NAV2: variants seen among roughly 807,000 people sequenced by gnomAD.
NAV2 encodes the protein neuron navigator 2.
NAV2 carries 54 observed loss-of-function variants against 223.2 expected under a neutral mutation model. The observed-to-expected ratio is 0.24, with a 90% CI of 0.19 to 0.30. The LOEUF is 0.30. Among genes scored for constraint, NAV2 ranks in the 10% least tolerant of loss-of-function variants. NAV2 has a pLI of 1.00. For synonymous variants in NAV2, 1,279 were observed against 1,239.3 expected (o/e 1.03, Z -0.67); for missense variants, 2,806 against 3,147.5 (o/e 0.89, Z 2.60).
At chr11:20,006,193 G>T (rs2053053045) in intron 11 of NAV2, among the ~76,000 whole-genome samples, 1 of 152,152 alleles carries the variant, frequency 6.6e-6, no homozygotes, top group African/African-American at 2.4e-5. Context: ...GTATGATTCA[G>T]GGTGTCCAGG....
At chr11:19,628,025 G>T (rs1459272421) in intron 1 of NAV2, among the ~76,000 whole-genome samples, 3 of 152,178 alleles carry the variant, frequency 2.0e-5, no homozygotes, top group Non-Finnish European at 4.4e-5. Context: ...TCTGTGTTGG[G>T]CTGGCATGTG....
At chr11:19,644,175 A>T (rs1250532748) in intron 1 of NAV2, among the ~76,000 whole-genome samples, 1 of 152,232 alleles carries the variant, frequency 6.6e-6, no homozygotes, top group African/African-American at 2.4e-5. Flanking sequence ...TTATATTTGC[A>T]TGGAGGTGAA....
At chr11:19,710,891 T>C (rs1590130032), upstream of NAV2, 1 of 152,368 alleles carries the variant, frequency 6.6e-6, no homozygotes, top group East Asian at 1.9e-4. Context: ...TCCACAGCTT[T>C]ATGCTCCATA....
chr11:19,818,909 C>T (rs948318168), intron 1 of NAV2, among the ~76,000 whole-genome samples: 10 of 152,220 alleles, frequency 6.6e-5, no homozygotes, highest in Admixed American at 6.5e-4. Context: ...ATTAGTCCAT[C>T]TGTCTATTTG....
chr11:20,036,538 C>T (rs142444757), intron 12 of NAV2, among the ~76,000 whole-genome samples: 50 of 152,236 alleles, frequency 3.3e-4, no homozygotes, highest in Non-Finnish European at 6.3e-4. Flanking sequence ...AACCCTGGAC[C>T]GGAAGGCCGG....
At chr11:19,944,814 TCTTCCTTG>T (rs1265654763) in intron 8 of NAV2, among the ~76,000 whole-genome samples, 7,522 of 145,678 alleles carry the variant, frequency 0.052, 271 homozygotes, top group Non-Finnish European at 0.076. Flanking sequence ...GTCTTTTCTT[TCTTCCTTG>T]CTTGCTTGCT....
Position 20,081,409 on chromosome 11 carries a change from G to A in NAV2, c.5325+1200G>A, listed in dbSNP as rs151162643. Among the ~76,000 whole-genome samples, 142 of 152,262 alleles carry A rather than the reference G, an allele frequency of 9.3e-4. 1 individual carries two copies. In the South Asian group the frequency reaches 0.018, roughly 19 times the overall value. ...ATAGTGGTTATTCCATTTTCTTCAAGAAATAAAACGTGCTTATGTTGCTTT... is the reference window on the plus strand; with the variant it reads ...ATAGTGGTTATTCCATTTTCTTCAAAAAATAAAACGTGCTTATGTTGCTTT... On this transcript the variant is annotated intron_variant, in intron 25 of 37. Coordinates refer to ENST00000349880, the MANE Select transcript of NAV2 (RefSeq NM_145117.5).
chr11:19,865,170 C>T (rs1484742474), intron 3 of NAV2, among the ~76,000 whole-genome samples: 2 of 152,184 alleles, frequency 1.3e-5, no homozygotes, highest in Non-Finnish European at 2.9e-5. Context: ...TTCACTCTGC[C>T]TCCCAACTTT....
At chr11:19,370,083 C>A (rs1848421573) in intron 1 of NAV2, among the ~76,000 whole-genome samples, 3 of 152,208 alleles carry the variant, frequency 2.0e-5, no homozygotes, top group African/African-American at 7.2e-5. Context: ...TCATAACCCT[C>A]CATAATTTCA....
intron 10 of NAV2, among the ~76,000 whole-genome samples, chr11:19,963,554 A>G (rs1474697539): frequency 6.6e-6 from 1 of 152,212 alleles, no homozygotes; most frequent in African/African-American, 2.4e-5. Flanking sequence ...GCCATTTGGA[A>G]GGGTAAGGTA....
chr11:19,777,419 C>T (rs1437865246), intron 1 of NAV2: 240 of 376,852 alleles, frequency 6.4e-4, no homozygotes, highest in Middle Eastern at 1.8e-3. Context: ...TTTTTTTTTT[C>T]CCCTCCTCCT....
intron 11 of NAV2, among the ~76,000 whole-genome samples, chr11:19,991,601 C>A (rs534817999): frequency 2.6e-5 from 4 of 152,038 alleles, no homozygotes; most frequent in Non-Finnish European, 5.9e-5. Context: ...ATAAAATAAA[C>A]GAGTATAGCA....
intron 1 of NAV2, among the ~76,000 whole-genome samples, chr11:19,528,904 C>T (rs2403493): frequency 0.81 from 114,814 of 142,198 alleles, 46,295 homozygotes; most frequent in South Asian, 0.9. Flanking sequence ...CACTCCAGCC[C>T]GGTGACAGAG....
chr11:19,675,076 G>A (rs899880770), intron 1 of NAV2, among the ~76,000 whole-genome samples: 1 of 152,140 alleles, frequency 6.6e-6, no homozygotes, highest in African/African-American at 2.4e-5. Flanking sequence ...CATGCACACC[G>A]CAGCTTCCTC....
intron 1 of NAV2, among the ~76,000 whole-genome samples, chr11:19,408,958 T>A (rs1030471965): frequency 7.0e-6 from 1 of 143,096 alleles, no homozygotes; most frequent in African/African-American, 2.5e-5. Flanking sequence ...ATACTTGGCT[T>A]TCTTCATGAG....
rs192744981 is a variant in NAV2, at chr11:19,599,134, T to A, written c.76-233350T>A. 1.7e-4 allele frequency among the ~76,000 whole-genome samples: 26 copies of A among 152,348 alleles called. No individual in the cohort carries two copies. The East Asian group carries it at 4.4e-3, about 26-fold the overall frequency. On this transcript the variant is annotated intron_variant, in intron 1 of 37. Transcript: ENST00000360655. ...TCATGCTGGCCAGCGTTGGTCCTTT[T>A]CAATGTGTCCTCATGCCCAACTTGT...
Position 19,713,388 on chromosome 11 carries a change from G to C in NAV2, c.-308G>C. The C allele has an allele frequency of 8.4e-7, 1 of 1,195,226 alleles. No homozygotes were observed. The highest frequency in any genetic ancestry group is 1.0e-6 in the Non-Finnish European group (1 of 965,540). 74.0% of individuals were successfully genotyped at this position (1,195,226 alleles called of 1,614,324 possible). ...CCCAGGAGGAAATTTGCAAGAGGCG[G>C]CAGCCCCTGAGCGCCCAGAGCTCTT... On this transcript the variant is annotated 5_prime_UTR_variant, in exon 1 of 38. Coordinates refer to ENST00000349880, the MANE Select transcript of NAV2 (RefSeq NM_145117.5). This position sits in a 1 kb window ranked among gnomAD's most constrained non-coding sequence, Gnocchi z 7.2.
At chr11:19,496,350 C>T (rs900070704) in intron 1 of NAV2, among the ~76,000 whole-genome samples, 6 of 152,228 alleles carry the variant, frequency 3.9e-5, no homozygotes, top group African/African-American at 1.2e-4. Flanking sequence ...AGCTCAAGGT[C>T]TCTCATGAGG....
At chr11:19,761,677 G>A (rs752188842) in intron 1 of NAV2, among the ~76,000 whole-genome samples, 5 of 152,206 alleles carry the variant, frequency 3.3e-5, no homozygotes, top group African/African-American at 7.2e-5. Flanking sequence ...GTCCACTGAC[G>A]TAGCCATTTC....
Sources: allele counts gnomAD v4.1 joint callset (sites outside exome capture counted in the v4.1 genomes callset), GRCh38; gene constraint gnomAD v4.1.1; non-coding constraint Gnocchi (gnomAD v3.1); transcripts MANE v1.5; gene names NCBI Gene and HGNC (gene_info 2026-07-23, HGNC 2026-07-21).